Variants in CSMD1 observed in about 807,000 individuals in gnomAD.
The protein encoded by CSMD1 is CUB and sushi domain-containing protein 1.
In CSMD1, 213 loss-of-function variants were observed where a neutral mutation model predicts 417.5. That is an observed-to-expected ratio of 0.51 (90% CI 0.46 to 0.57). The LOEUF (loss-of-function observed/expected upper bound fraction) is 0.57. Among genes scored for constraint, CSMD1 ranks in the 20% least tolerant of loss-of-function variants. The probability of loss-of-function intolerance (pLI) is 0.00; values close to 1 mark genes in which losing one functional copy is unlikely to be tolerated. For synonymous variants in CSMD1, 2,862 were observed against 1,736.8 expected (o/e 1.65, Z -16.11); for missense variants, 6,923 against 4,529.7 (o/e 1.53, Z -15.17).
intron 2 of CSMD1, among the ~76,000 whole-genome samples, chr8:4,449,793 T>C (rs1347582847): frequency 2.0e-5 from 3 of 152,036 alleles, no homozygotes; most frequent in African/African-American, 4.8e-5. Flanking sequence ...TGGGCATTTT[T>C]ACATAACAGA....
intron 2 of CSMD1, among the ~76,000 whole-genome samples, chr8:4,545,272 T>C (rs1797579371): frequency 6.6e-6 from 1 of 152,216 alleles, no homozygotes; most frequent in African/African-American, 2.4e-5. Flanking sequence ...GCTTTCTCAA[T>C]GAAAGATGAA....
intron 10 of CSMD1, among the ~76,000 whole-genome samples, chr8:3,569,614 T>A (rs79438139): frequency 2.6e-5 from 4 of 152,208 alleles, no homozygotes; most frequent in African/African-American, 9.6e-5. Context: ...GCAAGAGTCA[T>A]TGCATGGAAA....
At chr8:4,276,268 T>C (rs1372920202) in intron 3 of CSMD1, among the ~76,000 whole-genome samples, 1 of 152,154 alleles carries the variant, frequency 6.6e-6, no homozygotes, top group African/African-American at 2.4e-5. Context: ...ATGTGGCACA[T>C]ATACACCACG....
intron 2 of CSMD1, among the ~76,000 whole-genome samples, chr8:4,422,402 T>C (rs564469260): frequency 6.6e-6 from 1 of 152,194 alleles, no homozygotes; most frequent in South Asian, 2.1e-4. Context: ...TTTACAGAGG[T>C]AATTATAGTT....
intron 2 of CSMD1, among the ~76,000 whole-genome samples, chr8:4,465,404 C>A (rs1800104785): frequency 6.6e-6 from 1 of 152,144 alleles, no homozygotes; most frequent in African/African-American, 2.4e-5. Context: ...TCTATTTCAT[C>A]ATGCTGAAGG....
intron 2 of CSMD1, among the ~76,000 whole-genome samples, chr8:4,585,204 A>C (rs1799638163): frequency 6.6e-6 from 1 of 152,162 alleles, no homozygotes; most frequent in Non-Finnish European, 1.5e-5. Context: ...CAAAGAAATA[A>C]AGAGCACCAT....
intron 11 of CSMD1, among the ~76,000 whole-genome samples, chr8:3,481,917 G>C (rs1042120332): frequency 3.3e-5 from 5 of 152,160 alleles, no homozygotes; most frequent in Non-Finnish European, 1.5e-5. Context: ...GCTGTTTTGA[G>C]CCACCAAGTT....
intron 6 of CSMD1, among the ~76,000 whole-genome samples, chr8:3,735,558 A>G (rs930997657): frequency 4.6e-5 from 7 of 152,218 alleles, no homozygotes; most frequent in African/African-American, 1.7e-4. Context: ...CCTTTAGAAA[A>G]TATGAGTCAG....
At chr8:3,773,685 A>C (rs1250348380) in intron 5 of CSMD1, among the ~76,000 whole-genome samples, 1 of 152,182 alleles carries the variant, frequency 6.6e-6, no homozygotes, top group Non-Finnish European at 1.5e-5. Flanking sequence ...ACTTACAGCA[A>C]CAGCATCTTA....
At chr8:3,081,202 A>G (rs1814072658) in intron 49 of CSMD1, among the ~76,000 whole-genome samples, 1 of 152,174 alleles carries the variant, frequency 6.6e-6, no homozygotes. Flanking sequence ...CTCATTTACT[A>G]AAAGGTACCT....
At chr8:2,943,958 C>G (rs1307064958) in intron 68 of CSMD1, among the ~76,000 whole-genome samples, 1 of 152,150 alleles carries the variant, frequency 6.6e-6, no homozygotes, top group Non-Finnish European at 1.5e-5. Flanking sequence ...ATCTTTAAAT[C>G]ATTATTTGTA....
chr8:3,784,829 G>A, intron 5 of CSMD1, among the ~76,000 whole-genome samples: 1 of 152,158 alleles, frequency 6.6e-6, no homozygotes, highest in East Asian at 1.9e-4. Flanking sequence ...CATTTCCGCT[G>A]ATTTTCAACT....
chr8:4,648,492 A>AAC (rs914479602), intron 1 of CSMD1, among the ~76,000 whole-genome samples: 8 of 151,912 alleles, frequency 5.3e-5, no homozygotes, highest in Admixed American at 3.9e-4. Context: ...CATGCACACA[A>AAC]ACACACACAC....
chr8:3,985,422 T>G (rs1214233771), intron 5 of CSMD1, among the ~76,000 whole-genome samples: 3 of 152,096 alleles, frequency 2.0e-5, no homozygotes, highest in East Asian at 1.9e-4. Flanking sequence ...TAGTCTTATG[T>G]GCACACACAC....
chr8:4,051,997 C>G (rs554973709), intron 3 of CSMD1, among the ~76,000 whole-genome samples: 21 of 151,982 alleles, frequency 1.4e-4, no homozygotes, highest in African/African-American at 3.9e-4. Flanking sequence ...GTTATCTCGG[C>G]TCACTGCAAC....
intron 6 of CSMD1, among the ~76,000 whole-genome samples, chr8:3,736,987 C>T (rs1304301621): frequency 6.6e-6 from 1 of 152,184 alleles, no homozygotes; most frequent in Non-Finnish European, 1.5e-5. Flanking sequence ...CTCCCAGGAT[C>T]TGATACACAG....
intron 1 of CSMD1, among the ~76,000 whole-genome samples, chr8:4,871,184 G>C (rs769013036): frequency 2.6e-5 from 4 of 152,148 alleles, no homozygotes; most frequent in Non-Finnish European, 5.9e-5. Context: ...CATCATGTAT[G>C]AGTATTTCCA....
intron 3 of CSMD1, among the ~76,000 whole-genome samples, chr8:4,196,246 G>A (rs548939482): frequency 1.3e-5 from 2 of 152,148 alleles, no homozygotes; most frequent in Admixed American, 6.5e-5. Context: ...AAAAATAAAC[G>A]TCTGCTGTGT....
At chr8:3,598,322 T>A (rs78875163) in intron 8 of CSMD1, 1 of 152,192 alleles carries the variant, frequency 6.6e-6, no homozygotes, top group African/African-American at 2.4e-5. Context: ...CTCTATGTAG[T>A]TATGCATTTG....
Sources: allele counts gnomAD v4.1 joint callset (sites outside exome capture counted in the v4.1 genomes callset), GRCh38; gene constraint gnomAD v4.1.1; transcripts MANE v1.5; gene names NCBI Gene and HGNC (gene_info 2026-07-23, HGNC 2026-07-21).